The following ATF1 variants were observed in gnomAD, a reference collection of about 807,000 sequenced individuals.
ATF1 encodes activating transcription factor 1.
ATF1 carries 16 observed loss-of-function variants against 34.7 expected under a neutral mutation model. That is an observed-to-expected ratio of 0.46 (90% CI 0.31 to 0.70). The LOEUF is 0.70. Ranked by LOEUF, ATF1 falls within the 30% of genes least tolerant of loss-of-function variation. ATF1 has a pLI of 0.05. For synonymous variants in ATF1, 105 were observed against 113.1 expected (o/e 0.93, Z 0.46); for missense variants, 255 against 321.6 (o/e 0.79, Z 1.58).
intron 1 of ATF1, among the ~76,000 whole-genome samples, chr12:50,778,661 C>G (rs1285400476): frequency 6.6e-6 from 1 of 151,812 alleles, no homozygotes; most frequent in Non-Finnish European, 1.5e-5. Flanking sequence ...ACAATCCACT[C>G]ACTGCAACCT....
intron 1 of ATF1, chr12:50,764,520 G>C (rs1460699111): frequency 6.6e-6 from 1 of 152,354 alleles, no homozygotes; most frequent in East Asian, 1.9e-4. Context: ...CCTTCCAGTC[G>C]TGCGTCTCCT....
intron 1 of ATF1, among the ~76,000 whole-genome samples, chr12:50,776,485 C>T (rs1320115601): frequency 2.1e-5 from 3 of 142,770 alleles, no homozygotes; most frequent in African/African-American, 7.9e-5. Flanking sequence ...AGAGCAACAC[C>T]CTGTCTTTAA....
intron 2 of ATF1, among the ~76,000 whole-genome samples, chr12:50,795,574 T>C (rs1322506090): frequency 2.6e-5 from 4 of 152,068 alleles, no homozygotes; most frequent in Non-Finnish European, 5.9e-5. Context: ...AAAACAACAC[T>C]TTTAAGTAAT....
At chr12:50,797,146 A>G (rs1489733413) in intron 3 of ATF1, among the ~76,000 whole-genome samples, 1 of 152,212 alleles carries the variant, frequency 6.6e-6, no homozygotes, top group Non-Finnish European at 1.5e-5. Flanking sequence ...CCAGTACACA[A>G]CATACATAGA....
chr12:50,807,338 A>C (rs952128244), intron 3 of ATF1, among the ~76,000 whole-genome samples: 6 of 152,138 alleles, frequency 3.9e-5, no homozygotes, highest in African/African-American at 1.4e-4. Flanking sequence ...CTGAGAAGTC[A>C]CGGTGGGGTG....
In ATF1 at chr12:50,820,115, C is replaced by A. The variant is rs1941920108; in HGVS notation, c.*336C>A. 2 of 249,344 alleles carry A rather than the reference C, an allele frequency of 8.0e-6. No individual in the cohort carries two copies. Among genetic ancestry groups the A allele is most frequent in the African/African-American group, 4.5e-5 (2 of 44,898 alleles). 15.4% of individuals were successfully genotyped at this position (249,344 alleles called of 1,614,324 possible). A position where few individuals can be genotyped will look rare whatever the true frequency, so the allele number is the denominator to read the frequency against. ...GATAAACTGAATTTTTTTTAAAAAT[C>A]CATTTACCCTACAGGTTTGCATTTG... On this transcript the variant is annotated 3_prime_UTR_variant, in exon 7 of 7. Transcript: ENST00000262053.
rs201393808 is a variant in ATF1, at chr12:50,782,239, TTTTG to T, written c.93+2013_93+2016del. On this transcript the variant is annotated intron_variant, in intron 2 of 6. Transcript: ENST00000262053. ...TTCAGCTGTTTTCTTTTTCTGTTTT[TTTTG>T]TTTGTTTGTTTATTTGTTTGTTTGT... 1.8e-3 allele frequency among the ~76,000 whole-genome samples: 250 copies of T among 139,766 alleles called. 2 individuals carry two copies. The highest frequency in any genetic ancestry group is 5.1e-3 in the African/African-American group (204 of 39,634). 91.7% of individuals were successfully genotyped at this position (139,766 alleles called of 152,430 possible). A position where few individuals can be genotyped will look rare whatever the true frequency, so the allele number is the denominator to read the frequency against.
At chr12:50,817,436 T>C (rs1941866447) in intron 6 of ATF1, among the ~76,000 whole-genome samples, 1 of 152,214 alleles carries the variant, frequency 6.6e-6, no homozygotes. Flanking sequence ...TATGATATTT[T>C]ATAATTTTAG....
intron 2 of ATF1, among the ~76,000 whole-genome samples, chr12:50,782,955 G>T (rs1300083413): frequency 6.6e-6 from 1 of 152,096 alleles, no homozygotes; most frequent in Non-Finnish European, 1.5e-5. Flanking sequence ...CTCCCAAAGT[G>T]CTGGGATTAC....
In ATF1 at chr12:50,776,355, T is replaced by C. The variant is rs1033323572; in HGVS notation, c.-6-3785T>C. ...AAATTTTTTTTTAATTAGCCAGATA[T>C]GGTGATGCATGCCTGTGGTCCTAGC... On this transcript the variant is annotated intron_variant, in intron 1 of 6. Transcript: ENST00000262053. 1.3e-4 allele frequency among the ~76,000 whole-genome samples: 16 copies of C among 125,664 alleles called. 1 individual carries two copies. Among genetic ancestry groups the C allele is most frequent in the African/African-American group, 3.6e-4 (13 of 35,938 alleles). The allele number at this position is 125,664 out of a possible 152,430, so 82.4% of individuals were successfully genotyped here. A position where few individuals can be genotyped will look rare whatever the true frequency, so the allele number is the denominator to read the frequency against.
At chr12:50,784,291 A>T (rs371304482) in intron 2 of ATF1, among the ~76,000 whole-genome samples, 3 of 152,366 alleles carry the variant, frequency 2.0e-5, no homozygotes, top group East Asian at 3.9e-4. Context: ...AGAGACAGGC[A>T]ACAAAACCTA....
Position 50,814,264 on chromosome 12 carries a change from CTT to C in ATF1, c.512-15_512-14del. The stretch of plus-strand genomic sequence containing the variant: ...ACACTTACTAACTAACTCATTCACT[CTT>C]GTTTACCATCTAGCTGCATCAGGAG... On this transcript the variant is annotated splice_polypyrimidine_tract_variant and intron_variant, in intron 5 of 6. Coordinates refer to ENST00000262053, the MANE Select transcript of ATF1 (RefSeq NM_005171.5). The C allele has an allele frequency of 6.2e-7, 1 of 1,614,042 alleles. No homozygotes were observed. Among genetic ancestry groups the C allele is most frequent in the Non-Finnish European group, 8.5e-7 (1 of 1,179,936 alleles).
chr12:50,771,095 T>C (rs1318016481), intron 1 of ATF1, among the ~76,000 whole-genome samples: 1 of 152,072 alleles, frequency 6.6e-6, no homozygotes, highest in Admixed American at 6.6e-5. Context: ...AGCCTCCGCC[T>C]CCTGGGTTCA....
rs756001235 is a variant in ATF1, at chr12:50,814,122, T to C, written c.441T>C (p.Thr147=). The C allele has an allele frequency of 3.1e-6, 5 of 1,614,226 alleles. 1 individual carries two copies. The South Asian group carries it at 5.5e-5, about 18-fold the overall frequency. The stretch of plus-strand genomic sequence containing the variant: ...CAGGCAGTACTCAGCAAGGTACAAC[T>C]ATTCTTCAGTATGCACAGACCTCTG... ...TNSGSTQQGT[T]ILQYAQTSDG... Residue 147 remains threonine, a synonymous_variant, in exon 5 of 7, where the codon ACT becomes ACC. Coordinates refer to ENST00000262053, the MANE Select transcript of ATF1 (RefSeq NM_005171.5).
intron 6 of ATF1, among the ~76,000 whole-genome samples, chr12:50,819,128 A>G (rs1054616109): frequency 3.3e-5 from 5 of 152,262 alleles, no homozygotes; most frequent in African/African-American, 1.2e-4. Context: ...GCACAAAAAC[A>G]TGCCTATGCA....
At chr12:50,807,816 T>C (rs905732108) in intron 3 of ATF1, among the ~76,000 whole-genome samples, 3 of 150,734 alleles carry the variant, frequency 2.0e-5, no homozygotes, top group Admixed American at 2.0e-4. Context: ...TTTTTTTGTT[T>C]TTTTTTTTTT....
At chr12:50,775,951 A>G (rs989109457) in intron 1 of ATF1, among the ~76,000 whole-genome samples, 66 of 152,134 alleles carry the variant, frequency 4.3e-4, no homozygotes, top group African/African-American at 1.6e-3. Flanking sequence ...GCAACACTTT[A>G]GGAGGCCAAG....
chr12:50,777,853 T>C (rs921784647), intron 1 of ATF1, among the ~76,000 whole-genome samples: 1 of 152,010 alleles, frequency 6.6e-6, no homozygotes, highest in Non-Finnish European at 1.5e-5. Context: ...CCACAGTTAT[T>C]AATTCAATGA....
chr12:50,803,160 T>A (rs1288704926), intron 3 of ATF1, among the ~76,000 whole-genome samples: 2 of 150,380 alleles, frequency 1.3e-5, no homozygotes, highest in Non-Finnish European at 3.0e-5. Context: ...TCCCAGCTAC[T>A]AGGGAGGCTG....
Sources: allele counts gnomAD v4.1 joint callset (sites outside exome capture counted in the v4.1 genomes callset), GRCh38; gene constraint gnomAD v4.1.1; transcripts MANE v1.5; gene names NCBI Gene and HGNC (gene_info 2026-07-23, HGNC 2026-07-21).